Variants in SGCD observed in about 807,000 individuals in gnomAD.
SGCD encodes the protein delta-sarcoglycan.
SGCD carries 18 observed loss-of-function variants against 36.6 expected under a neutral mutation model. The observed-to-expected ratio is 0.49, with a 90% confidence interval of 0.34 to 0.73. The LOEUF is 0.73. Ranked by LOEUF, SGCD falls within the 30% of genes least tolerant of loss-of-function variation. The pLI, the probability that SGCD is intolerant of heterozygous loss-of-function variation, is 0.01. For synonymous variants in SGCD, 133 were observed against 130.6 expected, an observed-to-expected ratio of 1.02 and a Z score of -0.12; for missense variants, 387 against 346.7, an observed-to-expected ratio of 1.12 and a Z score of -0.92.
chr5:156,683,412 G>A (rs960145049), intron 7 of SGCD, among the ~76,000 whole-genome samples: 1 of 152,130 alleles, frequency 6.6e-6, no homozygotes, highest in African/African-American at 2.4e-5. Flanking sequence ...CGAATGCATG[G>A]AAGCTAGTAA....
At chr5:155,921,307 G>A (rs2113374858) in intron 1 of SGCD, among the ~76,000 whole-genome samples, 2 of 152,242 alleles carry the variant, frequency 1.3e-5, no homozygotes, top group East Asian at 3.9e-4. Context: ...ATTTTGTTAG[G>A]TGAAGAAAAA....
At chr5:156,509,401 G>C (rs888665584) in intron 4 of SGCD, among the ~76,000 whole-genome samples, 1 of 152,128 alleles carries the variant, frequency 6.6e-6, no homozygotes, top group African/African-American at 2.4e-5. Flanking sequence ...CTCCAGCCTG[G>C]GCAACAGAGC....
At chr5:156,143,970 G>A (rs1762641892) in intron 3 of SGCD, among the ~76,000 whole-genome samples, 1 of 141,380 alleles carries the variant, frequency 7.1e-6, no homozygotes, top group Non-Finnish European at 1.5e-5. Flanking sequence ...TCCCACCTAT[G>A]AGTGAGAACA....
At chr5:155,881,640 T>C (rs562084498) in intron 1 of SGCD, among the ~76,000 whole-genome samples, 1 of 152,230 alleles carries the variant, frequency 6.6e-6, no homozygotes, top group Non-Finnish European at 1.5e-5. Context: ...GCCTCCTTGA[T>C]GGATTCTTCC....
intron 3 of SGCD, among the ~76,000 whole-genome samples, chr5:156,165,913 G>T (rs1763200368): frequency 2.0e-5 from 3 of 152,184 alleles, no homozygotes; most frequent in African/African-American, 2.4e-5. Context: ...TGCAAATTTT[G>T]TTTGAAGTTT....
rs1345013121 is a variant in SGCD, at chr5:156,641,004, T to C, written c.503-6460T>C. ...TGACAGCCACCTTCCCTGTGCTTAA[T>C]CCTGACACTTGTGGAAACTCTGCAT... On this transcript the variant is annotated intron_variant, in intron 6 of 8. Transcript: ENST00000337851. Among the ~76,000 whole-genome samples the C allele has an allele frequency of 2.0e-5, 3 of 152,200 alleles. No individual in the cohort carries two copies. The East Asian group carries it at 5.8e-4, about 29-fold the overall frequency.
chr5:156,097,404 T>C (rs1209404273), intron 1 of SGCD, among the ~76,000 whole-genome samples: 1 of 152,194 alleles, frequency 6.6e-6, no homozygotes, highest in Non-Finnish European at 1.5e-5. Context: ...ATTTTATTTT[T>C]ATTTTCCGGT....
chr5:156,524,093 A>AAT, intron 4 of SGCD, among the ~76,000 whole-genome samples: 1 of 62,470 alleles, frequency 1.6e-5, no homozygotes, highest in Non-Finnish European at 2.9e-5. Flanking sequence ...GTGAGGTCTT[A>AAT]CTATATATAT....
chr5:156,311,402 T>C (rs955805479), intron 3 of SGCD, among the ~76,000 whole-genome samples: 1 of 152,206 alleles, frequency 6.6e-6, no homozygotes, highest in Non-Finnish European at 1.5e-5. Flanking sequence ...TTTAATATCC[T>C]TAATTTTTTC....
At chr5:156,530,784 T>C (rs1735514462) in intron 4 of SGCD, among the ~76,000 whole-genome samples, 1 of 152,216 alleles carries the variant, frequency 6.6e-6, no homozygotes, top group African/African-American at 2.4e-5. Flanking sequence ...TTCCCCATGT[T>C]GGCCAGACTG....
At chr5:156,330,594 CTCTT>C (rs1170911218) in intron 2 of SGCD, among the ~76,000 whole-genome samples, 1 of 152,176 alleles carries the variant, frequency 6.6e-6, no homozygotes, top group Non-Finnish European at 1.5e-5. Context: ...TTTTCCTGCA[CTCTT>C]TCTTTACTCT....
At chr5:156,204,793 A>G (rs1327260155) in intron 3 of SGCD, among the ~76,000 whole-genome samples, 2 of 152,136 alleles carry the variant, frequency 1.3e-5, no homozygotes, top group African/African-American at 2.4e-5. Context: ...CAAGATCACA[A>G]TGAAATAGCA....
At chr5:156,326,880 C>T (rs1284251753), upstream of SGCD, 2 of 152,372 alleles carry the variant, frequency 1.3e-5, no homozygotes, top group African/African-American at 4.8e-5. Context: ...CCGGCAGACA[C>T]CATGAGCGCT....
chr5:155,777,401 G>A, the SGCD span, among the ~76,000 whole-genome samples: 2 of 151,084 alleles, frequency 1.3e-5, no homozygotes, highest in Non-Finnish European at 2.9e-5. Context: ...CTGTTGTCCA[G>A]GCTGGAGTAC....
chr5:156,642,905 T>C (rs967434278), intron 6 of SGCD, among the ~76,000 whole-genome samples: 2 of 152,174 alleles, frequency 1.3e-5, no homozygotes, highest in African/African-American at 4.8e-5. Context: ...AGGAAACTTA[T>C]CTGCCAAACC....
At chr5:156,549,802 A>G (rs1452142005) in intron 4 of SGCD, among the ~76,000 whole-genome samples, 6 of 152,238 alleles carry the variant, frequency 3.9e-5, no homozygotes, top group African/African-American at 1.4e-4. Flanking sequence ...CTGTCTAACC[A>G]TGGTACCCAA....
At chr5:156,067,636 T>A (rs1354875262) in intron 1 of SGCD, among the ~76,000 whole-genome samples, 1 of 107,366 alleles carries the variant, frequency 9.3e-6, no homozygotes, top group Non-Finnish European at 1.7e-5. Flanking sequence ...TGGGATATAG[T>A]CTCGTGGTGC....
At chr5:156,385,035 C>A (rs898036171) in intron 3 of SGCD, among the ~76,000 whole-genome samples, 22 of 152,090 alleles carry the variant, frequency 1.4e-4, no homozygotes, top group African/African-American at 5.3e-4. Context: ...TGCAGGAATC[C>A]AGCCAGAAAT....
At chr5:156,076,378 CT>C (rs1479430205) in intron 1 of SGCD, among the ~76,000 whole-genome samples, 3 of 152,046 alleles carry the variant, frequency 2.0e-5, no homozygotes, top group Non-Finnish European at 4.4e-5. Flanking sequence ...TAAATAGGTG[CT>C]TCATTTACCA....
Sources: gnomAD v4.1 joint callset for allele counts (sites outside exome capture counted in the v4.1 genomes callset) on GRCh38, gnomAD v4.1.1 for gene constraint, MANE v1.5 for transcripts, NCBI Gene and HGNC (gene_info 2026-07-23, HGNC 2026-07-21) for gene names.